CDC42SE2: variants seen among roughly 807,000 people sequenced by gnomAD.
CDC42SE2 encodes CDC42 small effector protein 2.
Under a neutral mutation model 11.5 loss-of-function variants are expected in CDC42SE2, and 3 were observed. That is an observed-to-expected ratio of 0.26 (90% CI 0.12 to 0.67). The LOEUF is 0.67. CDC42SE2 is among the 30% of genes least tolerant of loss of function. CDC42SE2 has a pLI of 0.80. For missense variants in CDC42SE2, 82 were observed against 106.8 expected (o/e 0.77, Z 1.02); for synonymous variants, 33 against 34.8 (o/e 0.95, Z 0.18).
At chr5:131,235,995 G>A in the CDC42SE2 span, among the ~76,000 whole-genome samples, 4,213 of 152,208 alleles carry the variant, frequency 0.028, 137 homozygotes, top group African/African-American at 0.081. Flanking sequence ...GTTAAAAACC[G>A]TTTTTTATAT....
chr5:131,359,232 C>G lies in CDC42SE2; in HGVS notation c.-262C>G. On this transcript the variant is annotated 5_prime_UTR_variant, in exon 3 of 5. Transcript: ENST00000505065. The stretch of plus-strand genomic sequence containing the variant: ...AGACTATCTGTTATAGTCCCTGGGT[C>G]AAGACAACAATTTTTATACCTTCGT... 2.0e-6 allele frequency: 1 copy of G among 498,076 alleles called. No individual in the cohort carries two copies. Among genetic ancestry groups the G allele is most frequent in the Non-Finnish European group, 3.6e-6 (1 of 279,740 alleles). The allele number at this position is 498,076 out of a possible 1,614,324, so 30.9% of individuals were successfully genotyped here. A position where few individuals can be genotyped will look rare whatever the true frequency, so the allele number is the denominator to read the frequency against.
chr5:131,348,322 A>G (rs1758907548), intron 2 of CDC42SE2, among the ~76,000 whole-genome samples: 1 of 152,228 alleles, frequency 6.6e-6, no homozygotes, highest in African/African-American at 2.4e-5. Context: ...TCAATGTGCA[A>G]AAATCACAAG....
intron 1 of CDC42SE2, among the ~76,000 whole-genome samples, chr5:131,301,226 C>T (rs557691108): frequency 2.8e-4 from 42 of 151,968 alleles, no homozygotes; most frequent in Non-Finnish European, 4.9e-4. Context: ...GGTTAAAGGA[C>T]ACAAAATTAC....
chr5:131,350,607 TTGTGTGTG>T (rs753402237), intron 2 of CDC42SE2, among the ~76,000 whole-genome samples: 30 of 141,792 alleles, frequency 2.1e-4, no homozygotes, highest in African/African-American at 4.7e-4. Flanking sequence ...AAAATTTATT[TTGTGTGTG>T]TGTGTGTGTG....
chr5:131,239,028 C>T, the CDC42SE2 span, among the ~76,000 whole-genome samples: 21 of 151,722 alleles, frequency 1.4e-4, no homozygotes, highest in African/African-American at 4.8e-4. Context: ...TGGTGGCGCT[C>T]GCCTGTAATC....
chr5:131,249,411 T>C (rs1203903518), intron 1 of CDC42SE2, among the ~76,000 whole-genome samples: 1 of 152,136 alleles, frequency 6.6e-6, no homozygotes, highest in Non-Finnish European at 1.5e-5. Context: ...TGGTGTGGGA[T>C]TGGTGCAGCA....
intron 4 of CDC42SE2, among the ~76,000 whole-genome samples, chr5:131,390,460 G>A (rs958479998): frequency 6.6e-6 from 1 of 152,052 alleles, no homozygotes. Flanking sequence ...CGAAGCAGTC[G>A]GATCACTTGA....
chr5:131,374,626 T>G (rs1750100234), intron 3 of CDC42SE2, among the ~76,000 whole-genome samples: 1 of 151,412 alleles, frequency 6.6e-6, no homozygotes, highest in Non-Finnish European at 1.5e-5. Flanking sequence ...GCAATTCCAG[T>G]GCAAAGTGTG....
chr5:131,336,588 C>A (rs1445664136), intron 2 of CDC42SE2, among the ~76,000 whole-genome samples: 2 of 152,188 alleles, frequency 1.3e-5, no homozygotes, highest in African/African-American at 4.8e-5. Flanking sequence ...TTCCATTCTC[C>A]CCGTCACTTT....
chr5:131,261,276 T>G (rs536034393), upstream of CDC42SE2: 1 of 152,344 alleles, frequency 6.6e-6, no homozygotes, highest in South Asian at 2.1e-4. Flanking sequence ...GGAATAAGAT[T>G]TTACTTGGTA....
In CDC42SE2 at chr5:131,307,943, G is replaced by C. The variant is rs1246426856; in HGVS notation, c.-454-8033G>C. Among the ~76,000 whole-genome samples the C allele has an allele frequency of 3.3e-5, 5 of 152,246 alleles. No homozygotes were observed. In the East Asian group the frequency reaches 9.6e-4, roughly 29 times the overall value. On this transcript the variant is annotated intron_variant, in intron 1 of 4. Coordinates refer to ENST00000505065, the MANE Select transcript of CDC42SE2 (RefSeq NM_001375635.1). The stretch of plus-strand genomic sequence containing the variant: ...GTTTTTTGCTTGTAAATTTGTTTGA[G>C]TTCCCTGTAGATTCTGGATATTAGC...
the CDC42SE2 span, among the ~76,000 whole-genome samples, chr5:131,236,865 A>G: frequency 6.6e-6 from 1 of 152,184 alleles, no homozygotes; most frequent in African/African-American, 2.4e-5. Flanking sequence ...TGTACTTTCT[A>G]TTATTTCACT....
At chr5:131,353,802 C>T (rs962884504) in intron 2 of CDC42SE2, among the ~76,000 whole-genome samples, 2 of 151,902 alleles carry the variant, frequency 1.3e-5, no homozygotes, top group African/African-American at 4.8e-5. Flanking sequence ...ACAGCATGTA[C>T]TCAGGAGGCT....
chr5:131,372,188 A>G (rs1327368916), intron 3 of CDC42SE2, among the ~76,000 whole-genome samples: 2 of 152,218 alleles, frequency 1.3e-5, no homozygotes, highest in Non-Finnish European at 2.9e-5. Flanking sequence ...TCTGTGGATC[A>G]TTTGGGATAA....
At chr5:131,306,076 T>C (rs1197677459) in intron 1 of CDC42SE2, among the ~76,000 whole-genome samples, 2 of 152,188 alleles carry the variant, frequency 1.3e-5, no homozygotes, top group African/African-American at 4.8e-5. Context: ...CTGAAAATAG[T>C]GTATGGAAAA....
chr5:131,306,753 T>C (rs1331794528), intron 1 of CDC42SE2, among the ~76,000 whole-genome samples: 1 of 152,186 alleles, frequency 6.6e-6, no homozygotes, highest in Non-Finnish European at 1.5e-5. Context: ...ATTTGTATTG[T>C]CTACAGTTTC....
At chr5:131,245,548 T>C (rs577692700) in exon 1 of CDC42SE2, 1 of 152,352 alleles carries the variant, frequency 6.6e-6, no homozygotes, top group South Asian at 2.1e-4. Flanking sequence ...TGAAGGCTGA[T>C]AGAAGTTAAC....
At chr5:131,303,445 AATGTTACTGGAAGACCT>A (rs1273046089) in intron 1 of CDC42SE2, among the ~76,000 whole-genome samples, 1 of 152,238 alleles carries the variant, frequency 6.6e-6, no homozygotes. Flanking sequence ...AAGTACTCAA[AATGTTACTGGAAGACCT>A]ATGCCTTTGG....
chr5:131,305,487 T>G (rs1158335696), intron 1 of CDC42SE2, among the ~76,000 whole-genome samples: 3 of 152,186 alleles, frequency 2.0e-5, no homozygotes, highest in Non-Finnish European at 4.4e-5. Flanking sequence ...CATGGTCTGA[T>G]CAGTTGGCAG....
Sources: allele counts gnomAD v4.1 joint callset (sites outside exome capture counted in the v4.1 genomes callset), GRCh38; gene constraint gnomAD v4.1.1; transcripts MANE v1.5; gene names NCBI Gene and HGNC (gene_info 2026-07-23, HGNC 2026-07-21).